Variants in KHDRBS3 observed in about 807,000 individuals in gnomAD.
KHDRBS3 encodes the protein KH domain-containing, RNA-binding, signal transduction-associated protein 3.
In KHDRBS3, 23 loss-of-function variants were observed where a neutral mutation model predicts 45.6. The observed-to-expected ratio is 0.50, with a 90% CI of 0.36 to 0.72. The LOEUF is 0.72. Among genes scored for constraint, KHDRBS3 ranks in the 30% least tolerant of loss-of-function variants. The pLI, the probability that KHDRBS3 is intolerant of heterozygous loss-of-function variation, is 0.00. For missense variants in KHDRBS3, 352 were observed against 424.8 expected, an observed-to-expected ratio of 0.83 and a Z score of 1.51; for synonymous variants, 162 against 156.5, an observed-to-expected ratio of 1.04 and a Z score of -0.26.
At chr8:135,473,811 G>A (rs1449399353) in intron 1 of KHDRBS3, among the ~76,000 whole-genome samples, 5 of 152,164 alleles carry the variant, frequency 3.3e-5, no homozygotes, top group Admixed American at 2.0e-4. Context: ...GCCCAGAAAA[G>A]GGCCCCTCCT....
intron 2 of KHDRBS3, 91 bp downstream of exon 2, chr8:135,521,446 A>G (rs1824904796): frequency 2.7e-6 from 2 of 734,594 alleles, no homozygotes; most frequent in South Asian, 1.8e-5. Flanking sequence ...GTTTTTAGAG[A>G]TGTTTTCTCT....
chr8:135,620,646 A>C (rs138999718), intron 7 of KHDRBS3, among the ~76,000 whole-genome samples: 1 of 152,328 alleles, frequency 6.6e-6, no homozygotes, highest in East Asian at 1.9e-4. Flanking sequence ...AAAATGGTGC[A>C]AACAGGACAA....
chr8:135,575,342 T>C (rs907600030), intron 5 of KHDRBS3, among the ~76,000 whole-genome samples: 17 of 152,024 alleles, frequency 1.1e-4, no homozygotes, highest in Non-Finnish European at 2.5e-4. Flanking sequence ...CCCAGCTCCA[T>C]AGAGCTCGTG....
chr8:135,609,985 C>A (rs569801078), intron 7 of KHDRBS3, among the ~76,000 whole-genome samples: 1 of 152,028 alleles, frequency 6.6e-6, no homozygotes, highest in Non-Finnish European at 1.5e-5. Context: ...CCGTCCTATA[C>A]AATAAATAGA....
At chr8:135,638,822 G>A (rs570799651) in intron 7 of KHDRBS3, among the ~76,000 whole-genome samples, 40 of 151,622 alleles carry the variant, frequency 2.6e-4, no homozygotes, top group African/African-American at 9.6e-4. Context: ...GTGGTGGCAC[G>A]CGCCTATAGT....
chr8:135,576,805 A>G (rs1441875562), intron 5 of KHDRBS3, among the ~76,000 whole-genome samples: 2 of 152,202 alleles, frequency 1.3e-5, no homozygotes, highest in Non-Finnish European at 2.9e-5. Context: ...ATGGACATAT[A>G]TGTGTATGTA....
At chr8:135,507,043 C>T (rs558649263) in intron 1 of KHDRBS3, among the ~76,000 whole-genome samples, 5 of 152,112 alleles carry the variant, frequency 3.3e-5, no homozygotes, top group South Asian at 4.1e-4. Context: ...ATTATCTGCC[C>T]GCCCCAAATA....
chr8:135,618,689 T>C (rs2131077016), intron 7 of KHDRBS3, among the ~76,000 whole-genome samples: 1 of 152,288 alleles, frequency 6.6e-6, no homozygotes, highest in East Asian at 1.9e-4. Flanking sequence ...GATAGTCAAT[T>C]CCAAAGTATA....
intron 5 of KHDRBS3, among the ~76,000 whole-genome samples, chr8:135,573,587 A>G (rs1286390458): frequency 6.6e-6 from 1 of 152,250 alleles, no homozygotes. Context: ...TGAGGCTTAA[A>G]GATCAAATGA....
In KHDRBS3 at chr8:135,489,093, T is replaced by G. The variant is rs191101971; in HGVS notation, c.88+31139T>G. Among the ~76,000 whole-genome samples the G allele has an allele frequency of 2.2e-3, 329 of 152,340 alleles. 5 individuals carry two copies. The highest frequency in any genetic ancestry group is 0.01 in the Middle Eastern group (3 of 294). On this transcript the variant is annotated intron_variant, in intron 1 of 8. Transcript: ENST00000355849. The stretch of plus-strand genomic sequence containing the variant: ...TGGCAGCAGCTGTTAGTGTGATTAA[T>G]ATTTTTAAATTATTGTCAAATTTTA...
intron 1 of KHDRBS3, among the ~76,000 whole-genome samples, chr8:135,473,573 A>G (rs1822121246): frequency 6.6e-6 from 1 of 152,166 alleles, no homozygotes; most frequent in African/African-American, 2.4e-5. Flanking sequence ...CCTTTGATGT[A>G]TAAATTGCCG....
intron 7 of KHDRBS3, among the ~76,000 whole-genome samples, chr8:135,620,881 A>T (rs1830110656): frequency 6.6e-6 from 1 of 152,124 alleles, no homozygotes; most frequent in African/African-American, 2.4e-5. Flanking sequence ...TCTCCTTTTT[A>T]TAGAGTCCTG....
chr8:135,520,878 C>T (rs1656825564), intron 1 of KHDRBS3, among the ~76,000 whole-genome samples: 1 of 152,178 alleles, frequency 6.6e-6, no homozygotes, highest in African/African-American at 2.4e-5. Context: ...AGGGATGTTT[C>T]AGCACTTTGT....
chr8:135,648,876 G>C (rs1831372870), downstream of KHDRBS3, among the ~76,000 whole-genome samples: 1 of 149,920 alleles, frequency 6.7e-6, no homozygotes, highest in Non-Finnish European at 1.5e-5. Context: ...TAGCAGTCTA[G>C]TCAATAGCAT....
intron 2 of KHDRBS3, among the ~76,000 whole-genome samples, chr8:135,531,497 A>G (rs1237407582): frequency 6.6e-6 from 1 of 152,100 alleles, no homozygotes; most frequent in Non-Finnish European, 1.5e-5. Flanking sequence ...CTCCATAAGT[A>G]TTTATTGAGA....
chr8:135,570,884 C>T (rs1336651270), intron 5 of KHDRBS3, among the ~76,000 whole-genome samples: 1 of 152,160 alleles, frequency 6.6e-6, no homozygotes, highest in Non-Finnish European at 1.5e-5. Flanking sequence ...TATTAAAGCA[C>T]TTTCTGATGG....
chr8:135,513,412 T>TG (rs1824408202), intron 1 of KHDRBS3, among the ~76,000 whole-genome samples: 1 of 152,110 alleles, frequency 6.6e-6, no homozygotes. Context: ...AAAAACCCTA[T>TG]GGGGGGCAGG....
intron 1 of KHDRBS3, among the ~76,000 whole-genome samples, chr8:135,467,121 C>G (rs1173523900): frequency 1.3e-5 from 2 of 152,104 alleles, no homozygotes; most frequent in Non-Finnish European, 2.9e-5. Flanking sequence ...CTACTGTGTA[C>G]CCCCACAATT....
intron 5 of KHDRBS3, among the ~76,000 whole-genome samples, chr8:135,564,817 A>G (rs866478402): frequency 2.6e-5 from 4 of 152,218 alleles, no homozygotes; most frequent in Non-Finnish European, 4.4e-5. Flanking sequence ...CTGAAATTTT[A>G]TATCTTTTTG....
Sources: allele counts gnomAD v4.1 joint callset (sites outside exome capture counted in the v4.1 genomes callset), GRCh38; gene constraint gnomAD v4.1.1; transcripts MANE v1.5; gene names NCBI Gene and HGNC (gene_info 2026-07-23, HGNC 2026-07-21).